TRIO: variants seen among roughly 807,000 people sequenced by gnomAD.
TRIO encodes the protein trio Rho guanine nucleotide exchange factor, also known as triple functional domain protein.
TRIO carries 58 observed loss-of-function variants against 351.9 expected under a neutral mutation model. The ratio of observed to expected loss-of-function variants is 0.16; its 90% CI spans 0.13 to 0.21. The LOEUF (loss-of-function observed/expected upper bound fraction) is 0.21, where lower values mean the gene tolerates loss of function less well. Ranked by LOEUF, TRIO falls within the 10% of genes least tolerant of loss-of-function variation. The pLI is 1.00. For missense variants in TRIO, 3,201 were observed against 4,027.8 expected (o/e 0.79, Z 5.56); for synonymous variants, 1,758 against 1,595.7 (o/e 1.10, Z -2.42).
intron 48 of TRIO, chr5:14,490,684 A>G: frequency 4.9e-6 from 2 of 407,450 alleles, no homozygotes; most frequent in South Asian, 3.5e-5. Flanking sequence ...GGTGGTGAGA[A>G]TTAAGCAGGA....
In TRIO at chr5:14,297,127, C is replaced by T. The variant is rs760028502; in HGVS notation, c.1232C>T (p.Ser411Phe). The T allele has an allele frequency of 1.2e-6, 2 of 1,614,156 alleles. No homozygotes were observed. Among genetic ancestry groups the T allele is most frequent in the Non-Finnish European group, 1.7e-6 (2 of 1,180,020 alleles). The change falls in exon 7 of 57, where the codon TCT (serine) becomes TTT (phenylalanine). Residue 411 changes from serine to phenylalanine, a missense_variant. By Grantham distance (155) the Ser-to-Phe change is radical (BLOSUM62 -2). Coordinates refer to ENST00000344204, the MANE Select transcript of TRIO (RefSeq NM_007118.4). ...TCGGTGGCCAATCGTCTGGTGGAGT[C>T]TGGCCACTATGCCTCGCAGCAGATC... Reference protein sequence around the residue: ...IMSVANRLVESGHYASQQIRQ... With the variant: ...IMSVANRLVEFGHYASQQIRQ...
At chr5:14,161,071 G>A (rs1338020352) in intron 1 of TRIO, among the ~76,000 whole-genome samples, 4 of 152,026 alleles carry the variant, frequency 2.6e-5, no homozygotes, top group Non-Finnish European at 2.9e-5. Context: ...CACCACACCC[G>A]GCTAATTTTT....
rs889008372 is a variant in TRIO, at chr5:14,143,445, C to A, written c.-281C>A. Among the ~76,000 whole-genome samples, 5 of 149,486 alleles carry A rather than the reference C, an allele frequency of 3.3e-5. No homozygotes were observed. The highest frequency in any genetic ancestry group is 1.2e-4 in the African/African-American group (5 of 41,092). ...CTCGCGACTGCGCGTCCGGGAGGCGCGTGCTGCTGCCCGCGCTCCGGCCGG... is the reference window on the plus strand; with the variant it reads ...CTCGCGACTGCGCGTCCGGGAGGCGAGTGCTGCTGCCCGCGCTCCGGCCGG... On this transcript the variant is annotated 5_prime_UTR_variant, in exon 1 of 57. Coordinates refer to ENST00000344204, the MANE Select transcript of TRIO (RefSeq NM_007118.4).
chr5:14,219,748 T>C (rs1362318032), intron 1 of TRIO, among the ~76,000 whole-genome samples: 1 of 152,174 alleles, frequency 6.6e-6, no homozygotes. Context: ...GGGTTCACTT[T>C]TACTCCAGGA....
chr5:14,403,668 TG>T, intron 31 of TRIO, among the ~76,000 whole-genome samples: 1 of 130,086 alleles, frequency 7.7e-6, no homozygotes, highest in Non-Finnish European at 1.6e-5. Context: ...GTGCAGGTGG[TG>T]GTGAGGGTGC....
intron 1 of TRIO, among the ~76,000 whole-genome samples, chr5:14,151,386 TTGTGTGTGTGTGTG>T (rs34382232): frequency 1.3e-5 from 2 of 148,656 alleles, no homozygotes; most frequent in Non-Finnish European, 3.0e-5. Context: ...GTGTGTGTGT[TTGTGTGTGTGTGTG>T]TGTGTGTGTA....
chr5:14,497,139 C>T lies in TRIO; in HGVS notation c.8019+122C>T. The T allele has an allele frequency of 7.1e-7, 1 of 1,409,918 alleles. No homozygotes were observed. The highest frequency in any genetic ancestry group is 1.4e-5 in the South Asian group (1 of 69,000). 87.3% of individuals were successfully genotyped at this position (1,409,918 alleles called of 1,614,324 possible). A position where few individuals can be genotyped will look rare whatever the true frequency, so the allele number is the denominator to read the frequency against. On this transcript the variant is annotated intron_variant, in intron 50 of 56. Coordinates refer to ENST00000344204, the MANE Select transcript of TRIO (RefSeq NM_007118.4). This position sits in a 1 kb window ranked among gnomAD's most constrained non-coding sequence, Gnocchi z 4.4. ...ATGACCTCCCTCCCACCCACCAGCC[C>T]CGTGCCCTGCGTGTCCTGTAGGGTC...
intron 2 of TRIO, among the ~76,000 whole-genome samples, chr5:14,278,789 T>G (rs1735750957): frequency 6.6e-6 from 1 of 152,240 alleles, no homozygotes; most frequent in South Asian, 2.1e-4. Flanking sequence ...TTCTCATGTT[T>G]AATAGTACTT....
rs56288045 is a variant in TRIO, at chr5:14,324,286, T to A, written c.1732-6492T>A. Among the ~76,000 whole-genome samples the A allele has an allele frequency of 3.5e-3, 529 of 152,340 alleles. 3 individuals are homozygous for A. The highest frequency in any genetic ancestry group is 0.012 in the African/African-American group (496 of 41,600). ...TTTGCTTTTCATTTGTTTCATGTAT[T>A]CTTTAAATGGATTATAGAATCAGAG... On this transcript the variant is annotated intron_variant, in intron 9 of 56. Coordinates refer to ENST00000344204, the MANE Select transcript of TRIO (RefSeq NM_007118.4).
intron 37 of TRIO, among the ~76,000 whole-genome samples, chr5:14,466,927 C>T (rs1222023859): frequency 6.6e-6 from 1 of 152,122 alleles, no homozygotes; most frequent in Non-Finnish European, 1.5e-5. Context: ...TACCACTGAG[C>T]ACTTATTCTA....
intron 34 of TRIO, among the ~76,000 whole-genome samples, chr5:14,454,688 A>T (rs1437596002): frequency 6.6e-6 from 1 of 152,226 alleles, no homozygotes; most frequent in Non-Finnish European, 1.5e-5. Flanking sequence ...ACAACCAGAC[A>T]TGGTGCCCTG....
rs570580681 is a variant in TRIO, at chr5:14,198,279, A to G, written c.157+54397A>G. Among the ~76,000 whole-genome samples the G allele has an allele frequency of 9.8e-5, 15 of 152,304 alleles. No individual in the cohort carries two copies. The East Asian group carries it at 2.9e-3, about 29-fold the overall frequency. On this transcript the variant is annotated intron_variant, in intron 1 of 56. Coordinates refer to ENST00000344204, the MANE Select transcript of TRIO (RefSeq NM_007118.4). The stretch of plus-strand genomic sequence containing the variant: ...TGTGATGTTTTTCACCTGCCACTGT[A>G]TCATGCCCATTTCCCTCTCTCTGCT...
intron 11 of TRIO, among the ~76,000 whole-genome samples, chr5:14,337,207 G>T (rs538927982): frequency 6.6e-6 from 1 of 152,286 alleles, no homozygotes; most frequent in Admixed American, 6.5e-5. Flanking sequence ...TCATAGGCAT[G>T]CACCTGTTAA....
At chr5:14,252,021 G>T (rs1362144307) in intron 1 of TRIO, among the ~76,000 whole-genome samples, 1 of 150,114 alleles carries the variant, frequency 6.7e-6, no homozygotes, top group South Asian at 2.1e-4. Flanking sequence ...TTAACCAGAT[G>T]CTGTAAAATA....
chr5:14,451,672 A>G (rs1752860745), intron 34 of TRIO, among the ~76,000 whole-genome samples: 1 of 152,232 alleles, frequency 6.6e-6, no homozygotes, highest in Non-Finnish European at 1.5e-5. Flanking sequence ...TGATGGAGTT[A>G]TTTTCAGACA....
In TRIO at chr5:14,389,800, T is replaced by G. The variant is rs143604300; in HGVS notation, c.4058+402T>G. Among the ~76,000 whole-genome samples the G allele has an allele frequency of 4.7e-3, 722 of 152,310 alleles. 2 individuals are homozygous for G. The highest frequency in any genetic ancestry group is 6.8e-3 in the Middle Eastern group (2 of 294). Reference sequence around the variant, plus strand: ...CTGAAGAAGCAACAGAAGTGTATTCTGACCAAAATAAAATGCATTTTCCTT... The same window carrying G: ...CTGAAGAAGCAACAGAAGTGTATTCGGACCAAAATAAAATGCATTTTCCTT... On this transcript the variant is annotated intron_variant, in intron 25 of 56. Transcript: ENST00000344204.
chr5:14,396,044 TAAAAAAA>T (rs557922366), intron 28 of TRIO, among the ~76,000 whole-genome samples: 2 of 64,542 alleles, frequency 3.1e-5, no homozygotes, highest in Non-Finnish European at 3.2e-5. Context: ...AGACTCCGCC[TAAAAAAA>T]AAAAAAAAAA....
Position 14,497,939 on chromosome 5 carries a change from G to A in TRIO, c.8047+65G>A. The stretch of plus-strand genomic sequence containing the variant: ...CTAGACCTGTGGGGCATGTTTCAGA[G>A]CACTTGAGTGTGGCCTCTGGAAATG... On this transcript the variant is annotated intron_variant, in intron 51 of 56. Transcript: ENST00000344204. This position sits in a 1 kb window ranked among gnomAD's most constrained non-coding sequence, Gnocchi z 4.4. 2 of 1,612,376 alleles carry A rather than the reference G, an allele frequency of 1.2e-6. No individual in the cohort carries two copies. Among genetic ancestry groups the A allele is most frequent in the Admixed American group, 3.3e-5 (2 of 60,006 alleles).
intron 55 of TRIO, 49 bp downstream of exon 55, chr5:14,504,642 CAG>C (rs776597896): frequency 4.4e-6 from 7 of 1,591,196 alleles, no homozygotes; most frequent in African/African-American, 1.3e-5. Flanking sequence ...GCCTCCACCT[CAG>C]GGGGTTTTGT....
Sources: allele counts gnomAD v4.1 joint callset (sites outside exome capture counted in the v4.1 genomes callset), GRCh38; gene constraint gnomAD v4.1.1; non-coding constraint Gnocchi (gnomAD v3.1); transcripts MANE v1.5; gene names NCBI Gene and HGNC (gene_info 2026-07-23, HGNC 2026-07-21).